The following ELMO1 variants were observed in gnomAD, a reference collection of about 807,000 sequenced individuals.
The protein encoded by ELMO1 is engulfment and cell motility protein 1.
Under a neutral mutation model 98.9 loss-of-function variants are expected in ELMO1, and 26 were observed. That is an observed-to-expected ratio of 0.26 (90% CI 0.19 to 0.36). The LOEUF is 0.36. Ranked by LOEUF, ELMO1 falls within the 10% of genes least tolerant of loss-of-function variation. ELMO1 has a pLI of 1.00. For synonymous variants in ELMO1, 346 were observed against 346.0 expected, an observed-to-expected ratio of 1.00 and a Z score of 0.00; for missense variants, 627 against 935.2, an observed-to-expected ratio of 0.67 and a Z score of 4.30.
In ELMO1 at chr7:37,237,567, G is replaced by A. The variant is rs1434330639; in HGVS notation, c.450-4373C>T. On this transcript the variant is annotated intron_variant, in intron 7 of 21. Coordinates refer to ENST00000310758, the MANE Select transcript of ELMO1 (RefSeq NM_014800.11). ...AGCCTCCCAAAGTGCTGGGATTACA[G>A]GCGTGAACCACCATGCCCGGCCCCA... Among the ~76,000 whole-genome samples the A allele has an allele frequency of 3.3e-5, 5 of 152,278 alleles. No homozygotes were observed. In the South Asian group the frequency reaches 8.3e-4, roughly 25 times the overall value.
intron 2 of ELMO1, among the ~76,000 whole-genome samples, chr7:37,322,742 G>A (rs1050123726): frequency 4.0e-5 from 6 of 151,840 alleles, no homozygotes; most frequent in Non-Finnish European, 5.9e-5. Flanking sequence ...AGCAGAGGTC[G>A]CAGTGAGCCG....
At chr7:37,131,730 T>C (rs1234146903) in intron 14 of ELMO1, among the ~76,000 whole-genome samples, 1 of 152,232 alleles carries the variant, frequency 6.6e-6, no homozygotes, top group Non-Finnish European at 1.5e-5. Context: ...ACAATTTTCT[T>C]ATGTGGGACT....
chr7:37,225,615 GTTCTT>G (rs745592154), intron 8 of ELMO1, among the ~76,000 whole-genome samples: 42 of 152,298 alleles, frequency 2.8e-4, no homozygotes, highest in Non-Finnish European at 5.1e-4. Flanking sequence ...GTTAAAACAA[GTTCTT>G]TTCATCTCTC....
intron 13 of ELMO1, among the ~76,000 whole-genome samples, chr7:37,146,518 T>A (rs1787998272): frequency 6.6e-6 from 1 of 151,972 alleles, no homozygotes; most frequent in Non-Finnish European, 1.5e-5. Context: ...ATTCTTTGAG[T>A]TGACATGGGC....
At chr7:37,389,490 A>G (rs1356199207) in intron 1 of ELMO1, among the ~76,000 whole-genome samples, 1 of 152,176 alleles carries the variant, frequency 6.6e-6, no homozygotes, top group Non-Finnish European at 1.5e-5. Flanking sequence ...CAGTATGTCT[A>G]TTTCCTCTAG....
At chr7:37,321,857 C>CTT (rs869082330) in intron 2 of ELMO1, among the ~76,000 whole-genome samples, 5 of 137,460 alleles carry the variant, frequency 3.6e-5, no homozygotes, top group South Asian at 2.4e-4. Flanking sequence ...AAGTAACTCC[C>CTT]TTTTTTTTTT....
chr7:37,052,436 C>T (rs1796157446), intron 15 of ELMO1, among the ~76,000 whole-genome samples: 1 of 152,156 alleles, frequency 6.6e-6, no homozygotes, highest in Non-Finnish European at 1.5e-5. Context: ...TGTATTTATT[C>T]TATCAGAGCT....
chr7:37,183,229 C>T (rs1208186932), intron 13 of ELMO1, among the ~76,000 whole-genome samples: 4 of 152,218 alleles, frequency 2.6e-5, no homozygotes, highest in African/African-American at 9.6e-5. Flanking sequence ...AAGAACAGGT[C>T]TATCGAGAGT....
intron 15 of ELMO1, among the ~76,000 whole-genome samples, chr7:37,071,796 T>G (rs898950410): frequency 1.3e-5 from 2 of 152,144 alleles, no homozygotes; most frequent in African/African-American, 4.8e-5. Flanking sequence ...TAAGAAAAAT[T>G]CCCTTCAGGC....
At position 37,016,274 on chromosome 7, in the gene ELMO1, C is replaced by T. The variant is rs551461027; in HGVS notation, c.1301-2839G>A. ...ATCATTAATAATTAACTAGATAATTCGTTGGGTACATATGGCATGCCAACA... is the reference window on the plus strand; with the variant it reads ...ATCATTAATAATTAACTAGATAATTTGTTGGGTACATATGGCATGCCAACA... On this transcript the variant is annotated intron_variant, in intron 15 of 21. Coordinates refer to ENST00000310758, the MANE Select transcript of ELMO1 (RefSeq NM_014800.11). Among the ~76,000 whole-genome samples, 3 of 152,242 alleles carry T rather than the reference C, an allele frequency of 2.0e-5. No homozygotes were observed. In the East Asian group the frequency reaches 5.8e-4, roughly 29 times the overall value.
intron 15 of ELMO1, among the ~76,000 whole-genome samples, chr7:37,095,363 T>C (rs1784317861): frequency 6.6e-6 from 1 of 152,234 alleles, no homozygotes; most frequent in Non-Finnish European, 1.5e-5. Context: ...TAAGCAATAC[T>C]GCACACTGAA....
At chr7:37,090,678 C>T (rs552459448) in intron 15 of ELMO1, among the ~76,000 whole-genome samples, 2 of 152,328 alleles carry the variant, frequency 1.3e-5, no homozygotes, top group East Asian at 1.9e-4. Flanking sequence ...ACCCCACGTG[C>T]AGGTATCTCT....
chr7:37,042,086 A>G (rs34352136), intron 15 of ELMO1, among the ~76,000 whole-genome samples: 11,827 of 150,834 alleles, frequency 0.078, 665 homozygotes, highest in African/African-American at 0.17. Context: ...GGAGTTTGAG[A>G]CCAACCTGGG....
intron 15 of ELMO1, among the ~76,000 whole-genome samples, chr7:37,070,645 G>A (rs1228495209): frequency 2.6e-5 from 4 of 152,162 alleles, no homozygotes; most frequent in Non-Finnish European, 5.9e-5. Flanking sequence ...AGGCTTTCTT[G>A]TTTGGTCTGG....
At chr7:37,150,588 A>G (rs192614579) in intron 13 of ELMO1, among the ~76,000 whole-genome samples, 56 of 152,314 alleles carry the variant, frequency 3.7e-4, no homozygotes, top group African/African-American at 1.2e-3. Context: ...TACAATCTCT[A>G]TAGTAGTATA....
intron 15 of ELMO1, among the ~76,000 whole-genome samples, chr7:37,092,377 T>TC: frequency 9.7e-6 from 1 of 103,284 alleles, no homozygotes; most frequent in Admixed American, 8.6e-5. Flanking sequence ...TTTTTTTTTT[T>TC]TTTTTTTTTT....
At chr7:36,935,407 T>C (rs747102805) in intron 16 of ELMO1, among the ~76,000 whole-genome samples, 1 of 151,468 alleles carries the variant, frequency 6.6e-6, no homozygotes. Context: ...TTGTCCCTTC[T>C]AAAAAAAAAT....
At chr7:37,071,145 C>T (rs527267066) in intron 15 of ELMO1, among the ~76,000 whole-genome samples, 135 of 152,266 alleles carry the variant, frequency 8.9e-4, no homozygotes, top group African/African-American at 2.9e-3. Flanking sequence ...GTAAGTTTTA[C>T]TGTATAAATT....
chr7:37,247,771 T>C (rs949615136), intron 6 of ELMO1, among the ~76,000 whole-genome samples: 2 of 152,162 alleles, frequency 1.3e-5, no homozygotes, highest in African/African-American at 4.8e-5. Context: ...AGCTAGATTC[T>C]TTCCATTAAA....
Sources: gnomAD v4.1 joint callset for allele counts (sites outside exome capture counted in the v4.1 genomes callset) on GRCh38, gnomAD v4.1.1 for gene constraint, MANE v1.5 for transcripts, NCBI Gene and HGNC (gene_info 2026-07-23, HGNC 2026-07-21) for gene names.